SLC14A2: variants seen among roughly 807,000 people sequenced by gnomAD.
The protein encoded by SLC14A2 is urea transporter 2.
In SLC14A2, 91 loss-of-function variants were observed where a neutral mutation model predicts 104.6. The ratio of observed to expected loss-of-function variants is 0.87; its 90% CI spans 0.73 to 1.04. The LOEUF (loss-of-function observed/expected upper bound fraction) is 1.04, where lower values mean the gene tolerates loss of function less well. Among genes scored for constraint, SLC14A2 ranks in the 50% least tolerant of loss-of-function variants. SLC14A2 has a pLI of 0.00. For missense variants in SLC14A2, 1,189 were observed against 1,156.0 expected (o/e 1.03, Z -0.41); for synonymous variants, 476 against 466.4 (o/e 1.02, Z -0.27).
chr18:45,338,324 C>T (rs1166802506), intron 1 of SLC14A2, among the ~76,000 whole-genome samples: 2 of 152,102 alleles, frequency 1.3e-5, no homozygotes, highest in Non-Finnish European at 2.9e-5. Flanking sequence ...CCTCAGCCTC[C>T]CGATTAGCTG....
intron 1 of SLC14A2, among the ~76,000 whole-genome samples, chr18:45,298,495 T>C (rs1269067971): frequency 1.3e-5 from 2 of 152,170 alleles, no homozygotes; most frequent in Non-Finnish European, 2.9e-5. Context: ...CATTTCAACA[T>C]AGAATTTTCT....
the SLC14A2 span, among the ~76,000 whole-genome samples, chr18:45,205,006 AC>A: frequency 2.9e-3 from 445 of 152,150 alleles, 3 homozygotes; most frequent in African/African-American, 0.01. Context: ...TGCTCAGAAC[AC>A]CTCCATAGGA....
intron 1 of SLC14A2, among the ~76,000 whole-genome samples, chr18:45,353,814 A>C (rs1198620485): frequency 6.6e-6 from 1 of 152,310 alleles, no homozygotes; most frequent in East Asian, 1.9e-4. Context: ...CCAGCCTTTT[A>C]TATTAGTCTA....
At chr18:45,388,893 GA>G (rs1418540459) in intron 1 of SLC14A2, among the ~76,000 whole-genome samples, 1 of 152,182 alleles carries the variant, frequency 6.6e-6, no homozygotes, top group Non-Finnish European at 1.5e-5. Context: ...CTTCTTCAAA[GA>G]AGGCACATTG....
chr18:45,475,672 T>TG (rs1275524090), intron 1 of SLC14A2, among the ~76,000 whole-genome samples: 1 of 97,704 alleles, frequency 1.0e-5, no homozygotes, highest in East Asian at 2.7e-4. Context: ...TATATATATA[T>TG]ATATATATAT....
At chr18:45,640,577 T>C (rs567855530) in intron 7 of SLC14A2, among the ~76,000 whole-genome samples, 1 of 152,284 alleles carries the variant, frequency 6.6e-6, no homozygotes, top group Non-Finnish European at 1.5e-5. Context: ...GAGTCAGAGA[T>C]TGGGGTAGGA....
intron 1 of SLC14A2, among the ~76,000 whole-genome samples, chr18:45,392,763 A>G (rs925457337): frequency 6.6e-6 from 1 of 152,220 alleles, no homozygotes; most frequent in Non-Finnish European, 1.5e-5. Flanking sequence ...TTGTTTTAAG[A>G]GCACATTTGT....
chr18:45,257,426 C>A (rs2084490848), intron 1 of SLC14A2, among the ~76,000 whole-genome samples: 1 of 152,136 alleles, frequency 6.6e-6, no homozygotes, highest in Non-Finnish European at 1.5e-5. Context: ...ATTATTGAGA[C>A]TTTGTATGCT....
intron 1 of SLC14A2, among the ~76,000 whole-genome samples, chr18:45,445,098 T>C (rs1257977708): frequency 1.4e-5 from 2 of 147,450 alleles, no homozygotes; most frequent in East Asian, 4.0e-4. Context: ...TTGTGGCAAA[T>C]TGACATGCTT....
chr18:45,312,497 G>A (rs2085088989), intron 1 of SLC14A2, among the ~76,000 whole-genome samples: 1 of 152,094 alleles, frequency 6.6e-6, no homozygotes, highest in African/African-American at 2.4e-5. Flanking sequence ...ACTCCATACT[G>A]CTCTTCAGAA....
chr18:45,575,449 C>T (rs1037098648), intron 2 of SLC14A2, among the ~76,000 whole-genome samples: 16 of 152,196 alleles, frequency 1.1e-4, no homozygotes, highest in Non-Finnish European at 2.2e-4. Flanking sequence ...ACAGGGTTTT[C>T]ACCTGCAGAG....
chr18:45,550,560 G>T (rs1466417898), intron 2 of SLC14A2, among the ~76,000 whole-genome samples: 1 of 152,116 alleles, frequency 6.6e-6, no homozygotes, highest in Non-Finnish European at 1.5e-5. Context: ...CACTTATCAG[G>T]ATCCTAACAG....
chr18:45,418,804 A>C lies in SLC14A2; in HGVS notation c.-124-64429A>C, dbSNP rs538422255. Among the ~76,000 whole-genome samples the C allele has an allele frequency of 7.2e-5, 11 of 152,302 alleles. No individual in the cohort carries two copies. In the East Asian group the frequency reaches 2.1e-3, roughly 29 times the overall value. Reference sequence around the variant, plus strand: ...CATCTGAGGAGGTGGATTTACCTCTAATCCCTGTTCAACTAGCTTTCTCTT... The same window carrying C: ...CATCTGAGGAGGTGGATTTACCTCTCATCCCTGTTCAACTAGCTTTCTCTT... On this transcript the variant is annotated intron_variant, in intron 1 of 20. Transcript: ENST00000586448.
At chr18:45,437,632 G>A (rs1032416482) in intron 1 of SLC14A2, among the ~76,000 whole-genome samples, 1 of 152,152 alleles carries the variant, frequency 6.6e-6, no homozygotes, top group Admixed American at 6.5e-5. Context: ...CTCGGTCACC[G>A]CCCTCCAGCC....
At chr18:45,351,047 T>G (rs538717876) in intron 1 of SLC14A2, among the ~76,000 whole-genome samples, 25 of 152,322 alleles carry the variant, frequency 1.6e-4, no homozygotes, top group African/African-American at 5.8e-4. Flanking sequence ...TCTCCCTTTC[T>G]TCTTTCTTCT....
At chr18:45,564,562 C>T (rs184653074) in intron 2 of SLC14A2, among the ~76,000 whole-genome samples, 74 of 152,328 alleles carry the variant, frequency 4.9e-4, no homozygotes, top group African/African-American at 1.6e-3. Context: ...ACAGCCCCAG[C>T]TCAACTGCCC....
At chr18:45,188,294 T>C in the SLC14A2 span, among the ~76,000 whole-genome samples, 1 of 152,188 alleles carries the variant, frequency 6.6e-6, no homozygotes, top group African/African-American at 2.4e-5. Flanking sequence ...CTACTGATGC[T>C]CTCAGGTAAG....
intron 2 of SLC14A2, among the ~76,000 whole-genome samples, chr18:45,506,608 T>C (rs888557610): frequency 2.6e-5 from 4 of 151,968 alleles, no homozygotes; most frequent in African/African-American, 9.7e-5. Flanking sequence ...CAGGCAGAAA[T>C]TGGAGTGATG....
the SLC14A2 span, among the ~76,000 whole-genome samples, chr18:45,172,209 C>T: frequency 6.6e-6 from 1 of 152,144 alleles, no homozygotes; most frequent in Non-Finnish European, 1.5e-5. Flanking sequence ...GACCCACTTC[C>T]TTTCCTAGGC....
Sources: gnomAD v4.1 joint callset for allele counts (sites outside exome capture counted in the v4.1 genomes callset) on GRCh38, gnomAD v4.1.1 for gene constraint, MANE v1.5 for transcripts, NCBI Gene and HGNC (gene_info 2026-07-23, HGNC 2026-07-21) for gene names.